The following LRBA variants were observed in gnomAD, a reference collection of about 807,000 sequenced individuals.
LRBA encodes LPS responsive beige-like anchor protein.
LRBA carries 176 observed loss-of-function variants against 330.0 expected under a neutral mutation model. The observed-to-expected ratio is 0.53, with a 90% CI of 0.47 to 0.60. The LOEUF is 0.60. Among genes scored for constraint, LRBA ranks in the 20% least tolerant of loss-of-function variants. LRBA has a pLI of 0.00. For missense variants in LRBA, 3,259 were observed against 3,444.8 expected (o/e 0.95, Z 1.35); for synonymous variants, 1,230 against 1,193.0 (o/e 1.03, Z -0.64).
intron 48 of LRBA, among the ~76,000 whole-genome samples, chr4:150,330,574 A>G (rs1000915005): frequency 2.0e-5 from 3 of 152,086 alleles, no homozygotes; most frequent in Non-Finnish European, 4.4e-5. Flanking sequence ...AGATTCTCAT[A>G]GGGAGCGTGC....
At chr4:150,534,340 TATAATAATAATA>T (rs36206816) in intron 40 of LRBA, among the ~76,000 whole-genome samples, 9,903 of 143,740 alleles carry the variant, frequency 0.069, 545 homozygotes, top group East Asian at 0.18. Context: ...AAACTTGAAG[TATAATAATAATA>T]ATAATAATAA....
At chr4:150,489,102 ATATTATATATC>A (rs1235902786) in intron 41 of LRBA, among the ~76,000 whole-genome samples, 365 of 12,902 alleles carry the variant, frequency 0.028, 1 homozygote, top group African/African-American at 0.039. Context: ...AATATACAAT[ATATTATATATC>A]ATATATAATA....
intron 36 of LRBA, among the ~76,000 whole-genome samples, chr4:150,710,122 T>C (rs1786033242): frequency 6.6e-6 from 1 of 152,104 alleles, no homozygotes; most frequent in South Asian, 2.1e-4. Flanking sequence ...TTACTCCAAA[T>C]GTTTTGAACT....
intron 8 of LRBA, among the ~76,000 whole-genome samples, chr4:150,914,844 G>A (rs114293626): frequency 1.4e-3 from 219 of 152,180 alleles, no homozygotes; most frequent in African/African-American, 4.7e-3. Context: ...TATAAGGCGC[G>A]CTGCTAATAG....
At position 150,871,236 on chromosome 4, in the gene LRBA, C is replaced by G. The variant is rs1422380203; in HGVS notation, c.2367+109G>C. The G allele has an allele frequency of 2.8e-5, 17 of 608,926 alleles. No individual in the cohort carries two copies. In the South Asian group the frequency reaches 3.3e-4, roughly 12 times the overall value. 37.7% of individuals were successfully genotyped at this position (608,926 alleles called of 1,614,324 possible). A position where few individuals can be genotyped will look rare whatever the true frequency, so the allele number is the denominator to read the frequency against. ...CCAGCCTGGGTGACAGAGTGAGACT[C>G]TGTCTCAAAAAATAAAATAAAAATA... On this transcript the variant is annotated intron_variant, in intron 19 of 56. Transcript: ENST00000651943.
At chr4:150,498,292 A>T (rs1365490997) in intron 40 of LRBA, among the ~76,000 whole-genome samples, 1 of 152,168 alleles carries the variant, frequency 6.6e-6, no homozygotes, top group Non-Finnish European at 1.5e-5. Flanking sequence ...TTTTATTTTC[A>T]ATATTCCTCA....
At chr4:150,641,634 T>C (rs1178539353) in intron 37 of LRBA, among the ~76,000 whole-genome samples, 1 of 152,180 alleles carries the variant, frequency 6.6e-6, no homozygotes, top group African/African-American at 2.4e-5. Flanking sequence ...AGCCCTTCAA[T>C]GTTTAAGTTC....
intron 37 of LRBA, among the ~76,000 whole-genome samples, chr4:150,624,777 GTA>G (rs1776685573): frequency 6.6e-6 from 1 of 151,974 alleles, no homozygotes. Context: ...ACTCCACATT[GTA>G]TATATATTTC....
chr4:150,699,111 A>C (rs1784891832), intron 36 of LRBA, among the ~76,000 whole-genome samples: 2 of 152,200 alleles, frequency 1.3e-5, no homozygotes, highest in South Asian at 4.1e-4. Context: ...CTGAGGAAAA[A>C]GCAAGATTCT....
chr4:150,600,902 C>T (rs1033414720), intron 37 of LRBA, among the ~76,000 whole-genome samples: 3 of 152,152 alleles, frequency 2.0e-5, no homozygotes, highest in African/African-American at 7.2e-5. Flanking sequence ...CATCATTCTG[C>T]CTACCTACAT....
intron 47 of LRBA, among the ~76,000 whole-genome samples, chr4:150,406,822 CCAGG>C (rs1561130736): frequency 6.6e-6 from 1 of 152,110 alleles, no homozygotes; most frequent in Non-Finnish European, 1.5e-5. Flanking sequence ...ACTCTGTAGC[CCAGG>C]CTGGAGTGCA....
chr4:150,361,285 A>G (rs1212946761), intron 47 of LRBA, among the ~76,000 whole-genome samples: 1 of 152,204 alleles, frequency 6.6e-6, no homozygotes, highest in African/African-American at 2.4e-5. Context: ...GTCTTTTAAA[A>G]TTATTTTTAA....
chr4:150,554,209 T>C (rs1196405760), intron 40 of LRBA, among the ~76,000 whole-genome samples: 2 of 151,998 alleles, frequency 1.3e-5, no homozygotes, highest in Non-Finnish European at 2.9e-5. Flanking sequence ...TCTGACAAAA[T>C]TGATTTCATC....
chr4:150,661,395 A>T (rs1484298904), intron 37 of LRBA, among the ~76,000 whole-genome samples: 1 of 148,850 alleles, frequency 6.7e-6, no homozygotes, highest in Non-Finnish European at 1.5e-5. Context: ...TGGGAAAGCC[A>T]GGAGGCGGAG....
chr4:150,269,772 G>A (rs1294521287), intron 56 of LRBA, among the ~76,000 whole-genome samples: 1 of 152,100 alleles, frequency 6.6e-6, no homozygotes, highest in Non-Finnish European at 1.5e-5. Context: ...AACATAGTGA[G>A]ACCCTGTCTC....
rs184011543 is a variant in LRBA at position 150,272,281 on chromosome 4, A to C, written c.8468+5572T>G. On this transcript the variant is annotated intron_variant, in intron 56 of 56. Coordinates refer to ENST00000651943, the MANE Select transcript of LRBA (RefSeq NM_001364905.1). ...AAACAGGAATAGCGTCAACATCAAC[A>C]AAAAGGATGTCTAGACACAGAAAAC... Among the ~76,000 whole-genome samples the C allele has an allele frequency of 1.9e-3, 294 of 152,304 alleles. 2 individuals are homozygous for C. Among genetic ancestry groups the C allele is most frequent in the Admixed American group, 2.2e-3 (34 of 15,304 alleles).
At chr4:150,528,398 T>G (rs899086711) in intron 40 of LRBA, among the ~76,000 whole-genome samples, 1 of 151,146 alleles carries the variant, frequency 6.6e-6, no homozygotes, top group Non-Finnish European at 1.5e-5. Flanking sequence ...CTACTCGGGA[T>G]GCTGAGGCAG....
intron 36 of LRBA, among the ~76,000 whole-genome samples, chr4:150,697,325 G>GAAAGAA (rs373474421): frequency 0.038 from 1,060 of 28,056 alleles, 170 homozygotes; most frequent in African/African-American, 0.13. Context: ...CTTTGTCTCA[G>GAAAGAA]AAAAAAAAAA....
intron 34 of LRBA, among the ~76,000 whole-genome samples, chr4:150,797,334 T>C (rs1740933757): frequency 6.6e-6 from 1 of 151,844 alleles, no homozygotes; most frequent in Non-Finnish European, 1.5e-5. Flanking sequence ...TCTAGACCAA[T>C]ACCTTTCCTA....
Sources: gnomAD v4.1 joint callset for allele counts (sites outside exome capture counted in the v4.1 genomes callset) on GRCh38, gnomAD v4.1.1 for gene constraint, MANE v1.5 for transcripts, NCBI Gene and HGNC (gene_info 2026-07-23, HGNC 2026-07-21) for gene names.